ALK: variants seen among roughly 807,000 people sequenced by gnomAD.
The protein encoded by ALK is ALK receptor tyrosine kinase, also known as ALK tyrosine kinase receptor.
In ALK, 74 loss-of-function variants were observed where a neutral mutation model predicts 163.1. The ratio of observed to expected loss-of-function variants is 0.45; its 90% confidence interval spans 0.38 to 0.55. The LOEUF (loss-of-function observed/expected upper bound fraction) is 0.55, where lower values mean the gene tolerates loss of function less well. Among genes scored for constraint, ALK ranks in the 20% least tolerant of loss-of-function variants. ALK has a pLI of 0.00. For synonymous variants in ALK, 960 were observed against 843.2 expected, an observed-to-expected ratio of 1.14 and a Z score of -2.40; for missense variants, 2,063 against 2,105.3, an observed-to-expected ratio of 0.98 and a Z score of 0.39.
chr2:29,555,687 GA>G (rs1558382405), intron 3 of ALK, among the ~76,000 whole-genome samples: 1 of 152,160 alleles, frequency 6.6e-6, no homozygotes, highest in Admixed American at 6.6e-5. Context: ...TCAATTGAAC[GA>G]GCCTGAAGAT....
intron 1 of ALK, among the ~76,000 whole-genome samples, chr2:29,799,543 G>C (rs1296159526): frequency 1.3e-5 from 2 of 150,004 alleles, no homozygotes; most frequent in Non-Finnish European, 3.0e-5. Flanking sequence ...ACAAAAAACA[G>C]GCACAGTGGC....
At chr2:29,704,971 A>G (rs1258693148) in intron 2 of ALK, among the ~76,000 whole-genome samples, 1 of 151,812 alleles carries the variant, frequency 6.6e-6, no homozygotes, top group Non-Finnish European at 1.5e-5. Flanking sequence ...TAATCCCAGC[A>G]CTTTGGGAGG....
At chr2:29,762,512 T>C (rs964445860) in intron 1 of ALK, among the ~76,000 whole-genome samples, 6 of 152,218 alleles carry the variant, frequency 3.9e-5, no homozygotes, top group Admixed American at 2.0e-4. Flanking sequence ...TTGGTCCATC[T>C]GACAAGAGGA....
chr2:29,516,259 G>C (rs1010759789), intron 4 of ALK, among the ~76,000 whole-genome samples: 1 of 152,206 alleles, frequency 6.6e-6, no homozygotes, highest in African/African-American at 2.4e-5. Context: ...TGGGAGTATA[G>C]ATCAGACACT....
intron 4 of ALK, among the ~76,000 whole-genome samples, chr2:29,390,829 G>A (rs1413563573): frequency 6.6e-6 from 1 of 152,174 alleles, no homozygotes; most frequent in African/African-American, 2.4e-5. Context: ...TTAATTTTCT[G>A]TAATAATAAT....
chr2:29,383,635 A>G (rs1388998686), intron 5 of ALK, 97 bp downstream of exon 5: 12 of 1,543,384 alleles, frequency 7.8e-6, no homozygotes, highest in Non-Finnish European at 8.9e-6. Context: ...ACTTTTCTTC[A>G]TAAGTGTGCA....
chr2:29,303,828 A>G (rs1666433194), intron 8 of ALK, among the ~76,000 whole-genome samples: 2 of 152,220 alleles, frequency 1.3e-5, no homozygotes, highest in South Asian at 4.1e-4. Flanking sequence ...TGGGGGCTAA[A>G]CAATGAGTCC....
At chr2:29,450,455 G>A (rs1298579814) in intron 4 of ALK, among the ~76,000 whole-genome samples, 2 of 152,068 alleles carry the variant, frequency 1.3e-5, no homozygotes, top group Non-Finnish European at 2.9e-5. Flanking sequence ...ACTGCAACAA[G>A]GTCTTTGCCC....
intron 9 of ALK, among the ~76,000 whole-genome samples, chr2:29,278,582 G>A (rs1443627383): frequency 1.3e-5 from 2 of 152,186 alleles, no homozygotes; most frequent in African/African-American, 2.4e-5. Flanking sequence ...TGAGTTTCTG[G>A]CTTGAGCCTC....
chr2:29,270,486 G>A (rs571962053), intron 11 of ALK, among the ~76,000 whole-genome samples: 2 of 152,308 alleles, frequency 1.3e-5, no homozygotes, highest in South Asian at 4.2e-4. Context: ...TGTAGGTCAG[G>A]ATGCAGTCCC....
chr2:29,301,359 T>G (rs1006579807), intron 8 of ALK, among the ~76,000 whole-genome samples: 2 of 152,226 alleles, frequency 1.3e-5, no homozygotes, highest in African/African-American at 2.4e-5. Context: ...CTCTCTACCC[T>G]TGGTCATGAA....
intron 5 of ALK, among the ~76,000 whole-genome samples, chr2:29,339,899 A>G (rs1233845122): frequency 6.6e-6 from 1 of 152,220 alleles, no homozygotes; most frequent in Non-Finnish European, 1.5e-5. Flanking sequence ...AGAACCGCCA[A>G]GATTCCTGTA....
intron 12 of ALK, 132 bp from the exon 13 acceptor site, chr2:29,239,962 T>C: frequency 1.9e-6 from 2 of 1,068,448 alleles, no homozygotes; most frequent in Middle Eastern, 4.1e-4. Context: ...TATCAGTCCC[T>C]GCAGAAAGGG....
intron 3 of ALK, among the ~76,000 whole-genome samples, chr2:29,584,305 C>G (rs990034875): frequency 1.3e-5 from 2 of 152,144 alleles, no homozygotes; most frequent in Non-Finnish European, 2.9e-5. Flanking sequence ...AAAGGCAATG[C>G]GTGTTCCTTG....
chr2:29,794,691 T>C (rs369730089), intron 1 of ALK, among the ~76,000 whole-genome samples: 4 of 152,136 alleles, frequency 2.6e-5, no homozygotes, highest in Middle Eastern at 3.4e-3. Flanking sequence ...GTTAGGAAAA[T>C]GGCAGGTTGG....
intron 1 of ALK, among the ~76,000 whole-genome samples, chr2:29,906,156 T>A (rs545852333): frequency 5.5e-4 from 83 of 152,176 alleles, no homozygotes; most frequent in African/African-American, 2.0e-3. Context: ...AGAAGCAGGC[T>A]CAGTGAGCAC....
At chr2:29,278,214 C>T (rs1453400434) in intron 9 of ALK, among the ~76,000 whole-genome samples, 2 of 152,038 alleles carry the variant, frequency 1.3e-5, no homozygotes, top group Non-Finnish European at 2.9e-5. Flanking sequence ...GTGTGAGGGC[C>T]ATGTGGGCAG....
chr2:29,820,878 C>A (rs1665028785), intron 1 of ALK, among the ~76,000 whole-genome samples: 1 of 152,220 alleles, frequency 6.6e-6, no homozygotes, highest in Non-Finnish European at 1.5e-5. Context: ...CTTTCCCCTT[C>A]TCCTTCTGTT....
chr2:29,575,347 A>C (rs1674493571), intron 3 of ALK, among the ~76,000 whole-genome samples: 1 of 152,198 alleles, frequency 6.6e-6, no homozygotes. Flanking sequence ...GAATGTTTTC[A>C]CCAGGTTTCA....
Sources: allele counts gnomAD v4.1 joint callset (sites outside exome capture counted in the v4.1 genomes callset), GRCh38; gene constraint gnomAD v4.1.1; transcripts MANE v1.5; gene names NCBI Gene and HGNC (gene_info 2026-07-23, HGNC 2026-07-21).